Variants in NICN1 observed in about 807,000 individuals in gnomAD.
The protein encoded by NICN1 is nicolin-1.
NICN1 carries 18 observed loss-of-function variants against 26.3 expected under a neutral mutation model. The observed-to-expected ratio is 0.68, with a 90% CI of 0.47 to 1.01. The LOEUF is 1.01. Ranked by LOEUF, NICN1 falls within the 50% of genes least tolerant of loss-of-function variation. NICN1 has a pLI of 0.00. For synonymous variants in NICN1, 109 were observed against 111.0 expected, an observed-to-expected ratio of 0.98 and a Z score of 0.11; for missense variants, 239 against 278.3, an observed-to-expected ratio of 0.86 and a Z score of 1.00.
Position 49,425,413 on chromosome 3 carries a change from C to G in NICN1, c.449G>C (p.Trp150Ser). ...CTCACAGGGCACTGGGTGGGAGAGC[C>G]ACTTGGGAAAGGTCACGGAGGGGCT... is the stretch of plus-strand genomic sequence containing the variant. ...PKSPSVTFPK[W>S]LSHPVPCEQP... The change falls in exon 4 of 6, where the codon TGG (tryptophan) becomes TCG (serine). Residue 150 changes from tryptophan (W) to serine (S), a missense_variant. Coordinates refer to ENST00000273598, the MANE Select transcript of NICN1 (RefSeq NM_032316.3). The G allele has an allele frequency of 6.2e-7, 1 of 1,613,106 alleles. No individual in the cohort carries two copies.
Position 49,424,521 on chromosome 3 carries a change from A to G in NICN1, c.*312T>C. 1.9e-6 allele frequency: 1 copy of G among 532,398 alleles called. No individual in the cohort carries two copies. Among genetic ancestry groups the G allele is most frequent in the South Asian group, 2.1e-5 (1 of 46,656 alleles). 33.0% of individuals were successfully genotyped at this position (532,398 alleles called of 1,614,324 possible). A position where few individuals can be genotyped will look rare whatever the true frequency, so the allele number is the denominator to read the frequency against. On this transcript the variant is annotated 3_prime_UTR_variant, in exon 6 of 6. Coordinates refer to ENST00000273598, the MANE Select transcript of NICN1 (RefSeq NM_032316.3). ...TGACATGAGGGAGCAGGCAGAAGAC[A>G]GGAATGTGCATGTTGCCAGAAGGGG... is the stretch of plus-strand genomic sequence containing the variant.
In NICN1 at chr3:49,424,673, C is replaced by T. The variant is rs1263529124; in HGVS notation, c.*160G>A. 5.9e-6 allele frequency: 4 copies of T among 679,114 alleles called. No individual in the cohort carries two copies. Among genetic ancestry groups the T allele is most frequent in the Non-Finnish European group, 1.1e-5 (4 of 375,906 alleles). The allele number at this position is 679,114 out of a possible 1,614,324, so 42.1% of individuals were successfully genotyped here. The stretch of plus-strand genomic sequence containing the variant: ...GCCAGGAGCTCATGCTGAAGTAACA[C>T]GGTAAGCCCCTGAGAATCCTGAATC... On this transcript the variant is annotated 3_prime_UTR_variant, in exon 6 of 6. Coordinates refer to ENST00000273598, the MANE Select transcript of NICN1 (RefSeq NM_032316.3).
chr3:49,425,566 C>A, intron 3 of NICN1, 128 bp from the exon 4 acceptor site: 2 of 705,636 alleles, frequency 2.8e-6, no homozygotes, highest in Non-Finnish European at 4.8e-6. Flanking sequence ...GTTTAGGGAG[C>A]CCACAGAGAC....
intron 1 of NICN1, among the ~76,000 whole-genome samples, chr3:49,428,822 T>A (rs2049195363): frequency 6.6e-6 from 1 of 152,120 alleles, no homozygotes; most frequent in Admixed American, 6.6e-5. Context: ...ACTTCTATTT[T>A]GGTTCACTAT....
At chr3:49,427,916 G>T (rs537393700) in intron 1 of NICN1, among the ~76,000 whole-genome samples, 1 of 152,062 alleles carries the variant, frequency 6.6e-6, no homozygotes, top group Admixed American at 6.6e-5. Flanking sequence ...GAACAGCTTG[G>T]GGGAGAACCA....
chr3:49,428,076 C>T (rs1337887998), intron 1 of NICN1, among the ~76,000 whole-genome samples: 1 of 151,804 alleles, frequency 6.6e-6, no homozygotes, highest in Non-Finnish European at 1.5e-5. Flanking sequence ...AAAATTTAGC[C>T]GGGCGTGATG....
At position 49,423,371 on chromosome 3, in the gene NICN1, G is replaced by A. The variant is rs1204979798; in HGVS notation, c.*1462C>T. ...TTAATGGTTGGACTGAGTTAATGCA[G>A]GACTTAGGCCTCTTAAAAGGCAACA... On this transcript the variant is annotated 3_prime_UTR_variant, in exon 6 of 6. Coordinates refer to ENST00000273598, the MANE Select transcript of NICN1 (RefSeq NM_032316.3). 6.6e-6 allele frequency: 1 copy of A among 152,278 alleles called. No individual in the cohort carries two copies. The highest frequency in any genetic ancestry group is 2.4e-5 in the African/African-American group (1 of 41,452). 9.4% of individuals were successfully genotyped at this position (152,278 alleles called of 1,614,324 possible).
chr3:49,425,334 C>G, intron 4 of NICN1, 33 bp downstream of exon 4: 1 of 1,567,104 alleles, frequency 6.4e-7, no homozygotes, highest in Non-Finnish European at 8.7e-7. Context: ...TAGAGCCATT[C>G]ACACATGGTT....
chr3:49,429,071 C>T (rs1349763358), intron 1 of NICN1, 37 bp downstream of exon 1: 2 of 1,554,818 alleles, frequency 1.3e-6, no homozygotes, highest in Non-Finnish European at 1.7e-6. Flanking sequence ...GTCGGCCCCG[C>T]CCGGGAGCCT....
chr3:49,429,148 A>C lies in NICN1; in HGVS notation c.92T>G (p.Leu31Arg). 1 of 1,611,122 alleles carries C rather than the reference A, an allele frequency of 6.2e-7. No individual in the cohort carries two copies. The highest frequency in any genetic ancestry group is 1.1e-5 in the South Asian group (1 of 90,878). ...GCTGGGGAAGGTGACATCGATGACC[A>C]GCACGCCAGGCCGGCCTTGGGAGGT... Reference protein sequence around the residue: ...VRTSQGRPGVLVIDVTFPSVA... With the variant: ...VRTSQGRPGVRVIDVTFPSVA... Residue 31 changes from leucine (L) to arginine (R), a missense_variant, in exon 1 of 6, where the codon CTG becomes CGG. By Grantham distance (102) the Leu-to-Arg change is moderately radical. Transcript: ENST00000273598.
chr3:49,427,151 C>T (rs977486043), intron 1 of NICN1, among the ~76,000 whole-genome samples: 2 of 152,018 alleles, frequency 1.3e-5, no homozygotes, highest in Non-Finnish European at 2.9e-5. Flanking sequence ...GAAACCCCGT[C>T]TCTACTAAAA....
Position 49,422,546 on chromosome 3 carries a change from C to T in NICN1, c.*2287G>A. The T allele has an allele frequency of 1.5e-6, 2 of 1,343,290 alleles. No homozygotes were observed. The highest frequency in any genetic ancestry group is 1.4e-5 in the African/African-American group (1 of 69,158). 83.2% of individuals were successfully genotyped at this position (1,343,290 alleles called of 1,614,324 possible). On this transcript the variant is annotated 3_prime_UTR_variant, in exon 6 of 6. Coordinates refer to ENST00000273598, the MANE Select transcript of NICN1 (RefSeq NM_032316.3). ...CAGGCCTCTGCTCGGACAGGTCTCT[C>T]TCCGGAGCAAAGGATCTGAAGGGGG...
intron 1 of NICN1, among the ~76,000 whole-genome samples, chr3:49,426,875 G>C (rs1293349934): frequency 3.3e-5 from 5 of 152,240 alleles, no homozygotes; most frequent in Admixed American, 3.3e-4. Context: ...GGTGCTCACA[G>C]TCTAAATGAG....
rs759284971 is a variant in NICN1 at position 49,429,233 on chromosome 3, G to A, written c.7C>T (p.Arg3Cys). Reference sequence around the variant, plus strand: ...TTCACATGGCAAGGCACCAAAACGCGGGACATGGTGACAGCAGCCGCAACT... The same window carrying A: ...TTCACATGGCAAGGCACCAAAACGCAGGACATGGTGACAGCAGCCGCAACT... MS[R>C]VLVPCHVKGS... Residue 3 changes from arginine (R) to cysteine (C), a missense_variant, in exon 1 of 6, where the codon CGC (arginine) becomes TGC (cysteine). By Grantham distance (180) the Arg-to-Cys change is radical. Transcript: ENST00000273598. The A allele has an allele frequency of 1.1e-5, 18 of 1,603,370 alleles. No homozygotes were observed. The East Asian group carries it at 3.5e-4, about 31-fold the overall frequency.
In NICN1 at chr3:49,427,088, G is replaced by A. The variant is rs532211889; in HGVS notation, c.133-660C>T. ...TGTAATCCCAGCACTTTCGGAGGCC[G>A]AGGCGGGCGGATCACAAGGTCAGGA... On this transcript the variant is annotated intron_variant, in intron 1 of 5. Coordinates refer to ENST00000273598, the MANE Select transcript of NICN1 (RefSeq NM_032316.3). Among the ~76,000 whole-genome samples, 14 of 152,192 alleles carry A rather than the reference G, an allele frequency of 9.2e-5. No individual in the cohort carries two copies. The East Asian group carries it at 1.5e-3, about 17-fold the overall frequency.
At chr3:49,425,200 T>C in intron 4 of NICN1, 147 bp from the exon 5 acceptor site, 2 of 818,860 alleles carry the variant, frequency 2.4e-6, no homozygotes, top group Non-Finnish European at 2.0e-6. Context: ...TAGGGCCTGA[T>C]GTAGCCCCAC....
intron 1 of NICN1, among the ~76,000 whole-genome samples, chr3:49,427,213 C>T (rs1238133732): frequency 6.6e-6 from 1 of 151,320 alleles, no homozygotes; most frequent in Non-Finnish European, 1.5e-5. Flanking sequence ...CCCAGCTACT[C>T]GGGAGGCTGA....
At chr3:49,427,308 G>A (rs2049181303) in intron 1 of NICN1, among the ~76,000 whole-genome samples, 1 of 148,642 alleles carries the variant, frequency 6.7e-6, no homozygotes, top group South Asian at 2.1e-4. Flanking sequence ...GCGCGACAGA[G>A]CAAGACACGG....
At chr3:49,427,368 G>T (rs2049182397) in intron 1 of NICN1, among the ~76,000 whole-genome samples, 1 of 151,536 alleles carries the variant, frequency 6.6e-6, no homozygotes, top group South Asian at 2.1e-4. Flanking sequence ...TGGGTGCAGT[G>T]GCTTACATCT....
Sources: gnomAD v4.1 joint callset for allele counts (sites outside exome capture counted in the v4.1 genomes callset) on GRCh38, gnomAD v4.1.1 for gene constraint, MANE v1.5 for transcripts, NCBI Gene and HGNC (gene_info 2026-07-23, HGNC 2026-07-21) for gene names.